The following PRDM16 variants were observed in gnomAD, a reference collection of about 807,000 sequenced individuals.
PRDM16 encodes PR/SET domain 16, also known as histone-lysine N-methyltransferase PRDM16.
PRDM16 carries 23 observed loss-of-function variants against 110.6 expected under a neutral mutation model. The ratio of observed to expected loss-of-function variants is 0.21; its 90% confidence interval spans 0.15 to 0.29. The LOEUF (loss-of-function observed/expected upper bound fraction) is 0.29, where lower values mean the gene tolerates loss of function less well. Ranked by LOEUF, PRDM16 falls within the 10% of genes least tolerant of loss-of-function variation. The pLI, the probability that PRDM16 is intolerant of heterozygous loss-of-function variation, is 1.00. For missense variants in PRDM16, 1,615 were observed against 1,794.3 expected (o/e 0.90, Z 1.81); for synonymous variants, 799 against 781.8 (o/e 1.02, Z -0.37).
At chr1:3,291,814 G>C (rs1640979232) in intron 3 of PRDM16, among the ~76,000 whole-genome samples, 1 of 152,224 alleles carries the variant, frequency 6.6e-6, no homozygotes, top group Non-Finnish European at 1.5e-5. Flanking sequence ...GAGACCCACT[G>C]GGTTGGACAT....
Position 3,118,151 on chromosome 1 carries a change from A to C in PRDM16, c.37+48855A>C, listed in dbSNP as rs750203770. ...TGCGTGTGTACATGCATGTGTGTGC[A>C]TGCTCATGCTGTGTGTGTTTGGAAA... On this transcript the variant is annotated intron_variant, in intron 1 of 16. Coordinates refer to ENST00000270722, the MANE Select transcript of PRDM16 (RefSeq NM_022114.4). Among the ~76,000 whole-genome samples the C allele has an allele frequency of 7.1e-4, 107 of 151,312 alleles. 1 individual carries two copies. The highest frequency in any genetic ancestry group is 1.4e-3 in the Non-Finnish European group (92 of 67,806).
At chr1:3,185,680 T>G (rs937359689) in intron 1 of PRDM16, among the ~76,000 whole-genome samples, 32 of 152,370 alleles carry the variant, frequency 2.1e-4, no homozygotes, top group Admixed American at 1.9e-3. Context: ...ACATTTGGAA[T>G]GTTCTGGTGC....
chr1:3,125,648 G>C (rs925816373), intron 1 of PRDM16, among the ~76,000 whole-genome samples: 1 of 152,272 alleles, frequency 6.6e-6, no homozygotes, highest in African/African-American at 2.4e-5. Flanking sequence ...ATTTTTTAAG[G>C]GAAGAAAGGA....
intron 2 of PRDM16, among the ~76,000 whole-genome samples, chr1:3,202,941 T>G (rs55688909): frequency 0.015 from 2,211 of 152,306 alleles, 32 homozygotes; most frequent in Admixed American, 0.022. Context: ...ACGTGGCGGT[T>G]GGTGTGGGGG....
In PRDM16 at chr1:3,418,517, C is replaced by T. The variant is rs144941740; in HGVS notation, c.2862-150C>T. The T allele has an allele frequency of 3.2e-4, 210 of 662,584 alleles. No individual in the cohort carries two copies. The East Asian group carries it at 5.4e-3, about 17-fold the overall frequency. 41.0% of individuals were successfully genotyped at this position (662,584 alleles called of 1,614,324 possible). A position where few individuals can be genotyped will look rare whatever the true frequency, so the allele number is the denominator to read the frequency against. ...TGCAACTGAGGCTGGGCTTCAGGGC[C>T]GTGGAAGGGACTGAAACTGGGATGC... On this transcript the variant is annotated intron_variant, in intron 11 of 16. Coordinates refer to ENST00000270722, the MANE Select transcript of PRDM16 (RefSeq NM_022114.4).
chr1:3,312,404 A>T (rs1641483329), intron 3 of PRDM16, among the ~76,000 whole-genome samples: 1 of 152,178 alleles, frequency 6.6e-6, no homozygotes, highest in South Asian at 2.1e-4. Context: ...CAGGGCCCCG[A>T]GGGCAGCAGG....
Position 3,290,154 on chromosome 1 carries a change from C to T in PRDM16, c.438+46017C>T, listed in dbSNP as rs1570003083. Among the ~76,000 whole-genome samples, 3 of 152,308 alleles carry T rather than the reference C, an allele frequency of 2.0e-5. No homozygotes were observed. The South Asian group carries it at 6.2e-4, about 32-fold the overall frequency. On this transcript the variant is annotated intron_variant, in intron 3 of 16. Transcript: ENST00000270722. This position sits in a 1 kb window ranked among gnomAD's most constrained non-coding sequence, Gnocchi z 4.8. ...ATGTGACAAACCCGGGCGCTGTTCT[C>T]CTGGGTATCACACCCTACGACTCCA...
intron 1 of PRDM16, among the ~76,000 whole-genome samples, chr1:3,118,001 T>C (rs966759236): frequency 6.6e-5 from 10 of 151,760 alleles, no homozygotes; most frequent in African/African-American, 2.4e-4. Context: ...CACGCGTGTG[T>C]GCGTGTGCGT....
intron 3 of PRDM16, among the ~76,000 whole-genome samples, chr1:3,335,602 A>AACGCACACACACAC: frequency 6.9e-6 from 1 of 144,436 alleles, no homozygotes; most frequent in East Asian, 2.1e-4. Flanking sequence ...CTGAGGTTAA[A>AACGCACACACACAC]ACACACACAC....
intron 1 of PRDM16, among the ~76,000 whole-genome samples, chr1:3,166,321 A>G (rs1643955785): frequency 6.6e-6 from 1 of 152,240 alleles, no homozygotes; most frequent in Non-Finnish European, 1.5e-5. Flanking sequence ...GATGCCCACG[A>G]GGGGTCCCTG....
Position 3,201,238 on chromosome 1 carries a change from T to TG in PRDM16, c.387+14770dup, listed in dbSNP as rs1218127048. Reference sequence around the variant, plus strand: ...ACTCCATTCATATGATCATAGGAGCTGGGGGGCTGGAGACAAATGTATTTC... The same window carrying TG: ...ACTCCATTCATATGATCATAGGAGCTGGGGGGGCTGGAGACAAATGTATTTC... On this transcript the variant is annotated intron_variant, in intron 2 of 16. Coordinates refer to ENST00000270722, the MANE Select transcript of PRDM16 (RefSeq NM_022114.4). The surrounding 1 kb of genome is among the most constrained non-coding windows in gnomAD (Gnocchi z 4.1). Among the ~76,000 whole-genome samples, 1 of 152,080 alleles carries TG rather than the reference T, an allele frequency of 6.6e-6. No homozygotes were observed. The highest frequency in any genetic ancestry group is 1.5e-5 in the Non-Finnish European group (1 of 68,012).
chr1:3,310,035 T>G (rs1211519661), intron 3 of PRDM16: 1 of 152,204 alleles, frequency 6.6e-6, no homozygotes, highest in African/African-American at 2.4e-5. Flanking sequence ...TGGGCATGCC[T>G]TCCTGGGTGC....
chr1:3,254,130 C>T (rs1479097339), intron 3 of PRDM16, among the ~76,000 whole-genome samples: 5 of 152,004 alleles, frequency 3.3e-5, no homozygotes, highest in African/African-American at 4.8e-5. Context: ...GAGTAGGTTG[C>T]GAAAATTTTC....
chr1:3,109,299 C>T (rs566848865), intron 1 of PRDM16, among the ~76,000 whole-genome samples: 21 of 152,130 alleles, frequency 1.4e-4, no homozygotes, highest in Non-Finnish European at 2.8e-4. Context: ...GACCAAATGC[C>T]GTGGATTCTA....
intron 3 of PRDM16, among the ~76,000 whole-genome samples, chr1:3,384,689 G>T (rs1392048906): frequency 6.6e-6 from 1 of 152,212 alleles, no homozygotes; most frequent in African/African-American, 2.4e-5. Context: ...TGATGTGCAG[G>T]CTGCCCTGAG....
chr1:3,097,307 T>C (rs2100610352), intron 1 of PRDM16, among the ~76,000 whole-genome samples: 1 of 152,362 alleles, frequency 6.6e-6, no homozygotes, highest in Non-Finnish European at 1.5e-5. Context: ...AGAAAGGACG[T>C]GACGGTGTCT....
At chr1:3,074,961 C>T (rs968049594) in intron 1 of PRDM16, among the ~76,000 whole-genome samples, 1 of 152,232 alleles carries the variant, frequency 6.6e-6, no homozygotes, top group Admixed American at 6.5e-5. Context: ...GCCAGGGCCA[C>T]GGTGGTCATC....
At chr1:3,408,708 G>T (rs569236396) in intron 8 of PRDM16, among the ~76,000 whole-genome samples, 2 of 146,760 alleles carry the variant, frequency 1.4e-5, no homozygotes, top group East Asian at 4.0e-4. Context: ...GTGTTGGCGT[G>T]CATGAGAGTG....
chr1:3,287,304 G>A (rs112561279), intron 3 of PRDM16, among the ~76,000 whole-genome samples: 3 of 142,198 alleles, frequency 2.1e-5, no homozygotes, highest in African/African-American at 5.5e-5. Flanking sequence ...TGCATTTACC[G>A]GGGCTGGAGC....
Sources: gnomAD v4.1 joint callset for allele counts (sites outside exome capture counted in the v4.1 genomes callset) on GRCh38, gnomAD v4.1.1 for gene constraint, Gnocchi (gnomAD v3.1) non-coding constraint, MANE v1.5 for transcripts, NCBI Gene and HGNC (gene_info 2026-07-23, HGNC 2026-07-21) for gene names.